The following ZNF521 variants were observed in gnomAD, a reference collection of about 807,000 sequenced individuals.
ZNF521 encodes zinc finger protein 521.
ZNF521 carries 14 observed loss-of-function variants against 105.5 expected under a neutral mutation model. The ratio of observed to expected loss-of-function variants is 0.13; its 90% CI spans 0.09 to 0.21. The LOEUF is 0.21. ZNF521 is among the 10% of genes least tolerant of loss of function. ZNF521 has a pLI of 1.00. For missense variants in ZNF521, 1,233 were observed against 1,629.7 expected (o/e 0.76, Z 4.19); for synonymous variants, 635 against 606.0 (o/e 1.05, Z -0.70).
chr18:25,252,034 A>T lies in ZNF521; in HGVS notation c.221-24337T>A, dbSNP rs1367415293. On this transcript the variant is annotated intron_variant, in intron 3 of 7. Coordinates refer to ENST00000361524, the MANE Select transcript of ZNF521 (RefSeq NM_015461.3). ...AGGAAAATAGATCTTTCTCTATGTAATCAAAAAGAAACAGGACAGGGAAGT... is the reference window on the plus strand; with the variant it reads ...AGGAAAATAGATCTTTCTCTATGTATTCAAAAAGAAACAGGACAGGGAAGT... Among the ~76,000 whole-genome samples, 11 of 152,292 alleles carry T rather than the reference A, an allele frequency of 7.2e-5. 1 individual carries two copies. Among genetic ancestry groups the T allele is most frequent in the African/African-American group, 2.6e-4 (11 of 41,578 alleles).
Position 25,225,425 on chromosome 18 carries a change from T to C in ZNF521, c.2493A>G (p.Lys831=), listed in dbSNP as rs1192818916. 1 of 1,614,168 alleles carries C rather than the reference T, an allele frequency of 6.2e-7. No homozygotes were observed. The highest frequency in any genetic ancestry group is 1.7e-5 in the Admixed American group (1 of 60,024). The part of the protein sequence containing the change: ...IILLEKHLRE[K]HCVFETKTPN... ...GTGTCTTGGTTTCGAATACACAGTG[T>C]TTTTCTCGCAAGTGTTTTTCTAACA... Residue 831 remains lysine (K), a synonymous_variant, in exon 4 of 8, where the codon AAA becomes AAG. Transcript: ENST00000361524. The surrounding 1 kb of genome is among the most constrained non-coding windows in gnomAD (Gnocchi z 5.6).
intron 4 of ZNF521, among the ~76,000 whole-genome samples, chr18:25,222,370 G>A (rs1905784496): frequency 6.6e-6 from 1 of 152,024 alleles, no homozygotes; most frequent in Non-Finnish European, 1.5e-5. Flanking sequence ...CTATTTATAT[G>A]TCCTCATTCG....
At chr18:25,152,592 G>C (rs536369592) in intron 5 of ZNF521, among the ~76,000 whole-genome samples, 1 of 152,122 alleles carries the variant, frequency 6.6e-6, no homozygotes, top group South Asian at 2.1e-4. Flanking sequence ...TTTACTGCCA[G>C]AGAAAATTTA....
Position 25,226,796 on chromosome 18 carries a change from G to A in ZNF521, c.1122C>T (p.Ala374=). 1.2e-6 allele frequency: 2 copies of A among 1,614,096 alleles called. No homozygotes were observed. Among genetic ancestry groups the A allele is most frequent in the Non-Finnish European group, 1.7e-6 (2 of 1,180,004 alleles). ...SVDSSTMVEA[A]PPIPKSRGRK... is the part of the protein sequence containing the mutation. ...TCCCTCGACTCTTTGGGATTGGCGGGGCAGCTTCCACCATGGTTGAGCTGT... is the reference window on the plus strand; with the variant it reads ...TCCCTCGACTCTTTGGGATTGGCGGAGCAGCTTCCACCATGGTTGAGCTGT... The change falls in exon 4 of 8, where the codon GCC becomes GCT. Residue 374 remains alanine, a synonymous_variant. Coordinates refer to ENST00000361524, the MANE Select transcript of ZNF521 (RefSeq NM_015461.3). This position sits in a 1 kb window ranked among gnomAD's most constrained non-coding sequence, Gnocchi z 4.1.
chr18:25,129,634 T>C (rs1290993437), intron 5 of ZNF521, among the ~76,000 whole-genome samples: 1 of 151,842 alleles, frequency 6.6e-6, no homozygotes, highest in African/African-American at 2.4e-5. Context: ...GATCCAGTAA[T>C]TAGAAAACAA....
At chr18:25,273,774 A>C (rs530809722) in intron 3 of ZNF521, among the ~76,000 whole-genome samples, 1 of 152,194 alleles carries the variant, frequency 6.6e-6, no homozygotes, top group Non-Finnish European at 1.5e-5. Context: ...TTTACTTTCT[A>C]AAAGTTTCTA....
At chr18:25,164,779 T>G (rs899695686) in intron 5 of ZNF521, among the ~76,000 whole-genome samples, 1 of 152,198 alleles carries the variant, frequency 6.6e-6, no homozygotes, top group African/African-American at 2.4e-5. Flanking sequence ...CAATTCACTA[T>G]TTATGCTGAA....
chr18:25,231,900 C>A (rs879927789), intron 3 of ZNF521, among the ~76,000 whole-genome samples: 1 of 152,178 alleles, frequency 6.6e-6, no homozygotes, highest in Non-Finnish European at 1.5e-5. Flanking sequence ...AAAATACTTT[C>A]TCTGAAGTTA....
chr18:25,102,896 T>G (rs2033995181), intron 5 of ZNF521, among the ~76,000 whole-genome samples: 1 of 152,178 alleles, frequency 6.6e-6, no homozygotes, highest in South Asian at 2.1e-4. Flanking sequence ...CAAGGAGCTA[T>G]TTCTATTTCC....
chr18:25,222,143 C>A (rs569908254), intron 4 of ZNF521, among the ~76,000 whole-genome samples: 14 of 152,200 alleles, frequency 9.2e-5, no homozygotes, highest in South Asian at 8.3e-4. Flanking sequence ...GGGAGGTACT[C>A]GACTGCATAG....
At chr18:25,231,895 A>G (rs1906554982) in intron 3 of ZNF521, among the ~76,000 whole-genome samples, 1 of 152,222 alleles carries the variant, frequency 6.6e-6, no homozygotes, top group African/African-American at 2.4e-5. Flanking sequence ...AGATGAAAAT[A>G]CTTTCTCTGA....
At chr18:25,163,991 C>G (rs2035294114) in intron 5 of ZNF521, among the ~76,000 whole-genome samples, 1 of 152,114 alleles carries the variant, frequency 6.6e-6, no homozygotes, top group Non-Finnish European at 1.5e-5. Flanking sequence ...AATGTAATGC[C>G]TGAGCAGCTG....
chr18:25,281,624 A>G (rs557881729), intron 3 of ZNF521, among the ~76,000 whole-genome samples: 3 of 152,336 alleles, frequency 2.0e-5, no homozygotes, highest in African/African-American at 7.2e-5. Context: ...CCCTAAGAGA[A>G]GGGGACTATT....
chr18:25,295,105 T>C (rs2145046145), intron 3 of ZNF521, among the ~76,000 whole-genome samples: 1 of 152,250 alleles, frequency 6.6e-6, no homozygotes, highest in Non-Finnish European at 1.5e-5. Flanking sequence ...TCCTCATCAC[T>C]ACCCATTCCT....
chr18:25,157,329 C>T (rs374985788), intron 5 of ZNF521, among the ~76,000 whole-genome samples: 16 of 152,138 alleles, frequency 1.1e-4, no homozygotes, highest in African/African-American at 3.6e-4. Context: ...AAAAAGTCTA[C>T]GATTTAGTGT....
chr18:25,269,253 T>C lies in ZNF521; in HGVS notation c.221-41556A>G, dbSNP rs569558396. 1.0e-3 allele frequency among the ~76,000 whole-genome samples: 153 copies of C among 151,964 alleles called. 1 individual carries two copies. The South Asian group carries it at 0.029, about 29-fold the overall frequency. ...AGAAGAGCTAACTATCCGAAATAAATATGCACCCAACACAGGAGCACCCAG... is the reference window on the plus strand; with the variant it reads ...AGAAGAGCTAACTATCCGAAATAAACATGCACCCAACACAGGAGCACCCAG... On this transcript the variant is annotated intron_variant, in intron 3 of 7. Transcript: ENST00000361524.
At chr18:25,335,165 T>G (rs71360600) in intron 2 of ZNF521, among the ~76,000 whole-genome samples, 3 of 151,984 alleles carry the variant, frequency 2.0e-5, no homozygotes, top group Non-Finnish European at 4.4e-5. Flanking sequence ...AATTTTTGCT[T>G]TCAGAAAAAG....
Position 25,352,098 on chromosome 18 carries a change from G to A in ZNF521, c.-95C>T, listed in dbSNP as rs778324200. 2.1e-6 allele frequency: 1 copy of A among 484,456 alleles called. No individual in the cohort carries two copies. The highest frequency in any genetic ancestry group is 4.2e-6 in the Non-Finnish European group (1 of 240,400). The allele number at this position is 484,456 out of a possible 1,614,324, so 30.0% of individuals were successfully genotyped here. A position where few individuals can be genotyped will look rare whatever the true frequency, so the allele number is the denominator to read the frequency against. On this transcript the variant is annotated 5_prime_UTR_variant, in exon 1 of 8. Transcript: ENST00000361524. ...CCAAAGCCATCAGGATGGCTCCAGAGGGGGCCCCTAACCCGCAGGGACTCG... is the reference window on the plus strand; with the variant it reads ...CCAAAGCCATCAGGATGGCTCCAGAAGGGGCCCCTAACCCGCAGGGACTCG...
intron 7 of ZNF521, among the ~76,000 whole-genome samples, chr18:25,064,948 TG>T (rs1322981456): frequency 6.6e-6 from 1 of 152,238 alleles, no homozygotes; most frequent in Non-Finnish European, 1.5e-5. Flanking sequence ...CTCTTTTATC[TG>T]TATATTGATT....
Sources: allele counts gnomAD v4.1 joint callset (sites outside exome capture counted in the v4.1 genomes callset), GRCh38; gene constraint gnomAD v4.1.1; non-coding constraint Gnocchi (gnomAD v3.1); transcripts MANE v1.5; gene names NCBI Gene and HGNC (gene_info 2026-07-23, HGNC 2026-07-21).